The following STXBP3 variants were observed in gnomAD, a reference collection of about 807,000 sequenced individuals.
STXBP3 encodes syntaxin-binding protein 3.
A neutral mutation model predicts 85.7 loss-of-function variants in STXBP3; 41 were observed. That is an observed-to-expected ratio of 0.48 (90% confidence interval 0.37 to 0.62). STXBP3 has a LOEUF of 0.62. STXBP3 is among the 20% of genes least tolerant of loss of function. The pLI is 0.00. For synonymous variants in STXBP3, 229 were observed against 231.7 expected (o/e 0.99, Z 0.10); for missense variants, 563 against 703.1 (o/e 0.80, Z 2.25).
intron 9 of STXBP3, chr1:108,780,886 G>A (rs533815883): frequency 1.3e-5 from 2 of 150,722 alleles, no homozygotes; most frequent in South Asian, 2.1e-4. Flanking sequence ...CCCAGCCTCA[G>A]CCTCCCAAGT....
At chr1:108,781,951 TC>T (rs1662721489) in intron 9 of STXBP3, 1 of 152,634 alleles carries the variant, frequency 6.6e-6, no homozygotes, top group African/African-American at 2.4e-5. Context: ...CCTCAAGTGA[TC>T]CGCCCACCTT....
intron 4 of STXBP3, 114 bp from the exon 5 acceptor site, chr1:108,758,396 A>T: frequency 2.1e-6 from 1 of 473,230 alleles, no homozygotes; most frequent in Non-Finnish European, 3.6e-6. Context: ...TTAAACTTTT[A>T]GCCAGTAAAG....
intron 17 of STXBP3, among the ~76,000 whole-genome samples, chr1:108,802,078 TCTTTA>T (rs1453348976): frequency 2.0e-5 from 3 of 152,086 alleles, no homozygotes. Context: ...TTCTTTGGCT[TCTTTA>T]CTTCTGGGAT....
intron 1 of STXBP3, among the ~76,000 whole-genome samples, chr1:108,749,926 GT>G (rs1179514050): frequency 6.6e-6 from 1 of 152,082 alleles, no homozygotes; most frequent in African/African-American, 2.4e-5. Flanking sequence ...GACCTAATAA[GT>G]TTTTTACATT....
chr1:108,787,060 T>G (rs1662847867), intron 11 of STXBP3, among the ~76,000 whole-genome samples: 1 of 152,204 alleles, frequency 6.6e-6, no homozygotes, highest in Admixed American at 6.5e-5. Flanking sequence ...TATTAGTATA[T>G]AAAATGTGAT....
chr1:108,804,631 A>G (rs1663291854), intron 17 of STXBP3, among the ~76,000 whole-genome samples: 1 of 152,218 alleles, frequency 6.6e-6, no homozygotes, highest in Admixed American at 6.5e-5. Flanking sequence ...CAGGTTTTGC[A>G]TGTGCTTTTG....
chr1:108,778,783 T>C (rs531634206), intron 8 of STXBP3, among the ~76,000 whole-genome samples: 1 of 152,310 alleles, frequency 6.6e-6, no homozygotes, highest in East Asian at 1.9e-4. Context: ...CAAGCTATTA[T>C]ACAGTTGTCC....
At chr1:108,777,605 A>G (rs1342776376) in intron 8 of STXBP3, among the ~76,000 whole-genome samples, 1 of 152,180 alleles carries the variant, frequency 6.6e-6, no homozygotes, top group African/African-American at 2.4e-5. Flanking sequence ...TATACAATCA[A>G]ATATGCTTTT....
chr1:108,791,977 T>C (rs1662983644), intron 11 of STXBP3, among the ~76,000 whole-genome samples: 1 of 152,232 alleles, frequency 6.6e-6, no homozygotes, highest in Non-Finnish European at 1.5e-5. Context: ...CATTACTTTT[T>C]ATTGCTGAGT....
intron 18 of STXBP3, among the ~76,000 whole-genome samples, chr1:108,808,414 G>A (rs988003445): frequency 1.3e-5 from 2 of 152,216 alleles, no homozygotes; most frequent in Non-Finnish European, 2.9e-5. Flanking sequence ...ACCCATGGAG[G>A]CGATGGATCT....
chr1:108,781,379 G>A (rs1357307612), intron 9 of STXBP3: 1 of 152,184 alleles, frequency 6.6e-6, no homozygotes, highest in East Asian at 1.9e-4. Context: ...CAGGAAATCA[G>A]TAGTTCCAAG....
At chr1:108,750,359 T>C (rs978751482) in intron 1 of STXBP3, among the ~76,000 whole-genome samples, 2 of 152,174 alleles carry the variant, frequency 1.3e-5, no homozygotes, top group African/African-American at 4.8e-5. Context: ...AAATTATGGT[T>C]AAATATTTCG....
chr1:108,784,504 C>T (rs996655289), intron 11 of STXBP3, among the ~76,000 whole-genome samples: 4 of 152,192 alleles, frequency 2.6e-5, no homozygotes, highest in Admixed American at 2.6e-4. Flanking sequence ...TCTACCTGGT[C>T]CTGCCCTTGA....
intron 6 of STXBP3, among the ~76,000 whole-genome samples, chr1:108,769,029 T>G (rs1320549430): frequency 1.3e-5 from 2 of 152,108 alleles, no homozygotes; most frequent in Non-Finnish European, 2.9e-5. Flanking sequence ...CGCCAAAAAC[T>G]TAACTACCAA....
At chr1:108,748,493 G>T (rs1204024192) in intron 1 of STXBP3, among the ~76,000 whole-genome samples, 1 of 152,072 alleles carries the variant, frequency 6.6e-6, no homozygotes, top group Non-Finnish European at 1.5e-5. Context: ...CCGCACTCCA[G>T]CCTGGGTGAC....
At chr1:108,799,468 T>A (rs1663185695) in intron 16 of STXBP3, among the ~76,000 whole-genome samples, 1 of 152,154 alleles carries the variant, frequency 6.6e-6, no homozygotes, top group African/African-American at 2.4e-5. Flanking sequence ...CACATTTGGA[T>A]CCATGACAGT....
At chr1:108,752,602 T>G (rs772753833) in intron 2 of STXBP3, among the ~76,000 whole-genome samples, 1 of 152,148 alleles carries the variant, frequency 6.6e-6, no homozygotes, top group Non-Finnish European at 1.5e-5. Context: ...AATACTAACT[T>G]CACCACTTAA....
chr1:108,777,707 T>C (rs1217691880), intron 8 of STXBP3, among the ~76,000 whole-genome samples: 5 of 152,300 alleles, frequency 3.3e-5, no homozygotes, highest in African/African-American at 1.2e-4. Context: ...TAATCATCCT[T>C]CAAATACTTG....
Position 108,795,442 on chromosome 1 carries a change from T to G in STXBP3, c.1110+535T>G, listed in dbSNP as rs141302975. ...ATTCAGGAGGCTGAGGTGGGAGGAT[T>G]GCTTGATCCCAGGAGTTTGAGGGCA... On this transcript the variant is annotated intron_variant, in intron 13 of 18. Coordinates refer to ENST00000370008, the MANE Select transcript of STXBP3 (RefSeq NM_007269.4). Among the ~76,000 whole-genome samples, 395 of 151,926 alleles carry G rather than the reference T, an allele frequency of 2.6e-3. 3 individuals are homozygous for G. The highest frequency in any genetic ancestry group is 9.0e-3 in the African/African-American group (371 of 41,438).
Sources: allele counts gnomAD v4.1 joint callset (sites outside exome capture counted in the v4.1 genomes callset), GRCh38; gene constraint gnomAD v4.1.1; transcripts MANE v1.5; gene names NCBI Gene and HGNC (gene_info 2026-07-23, HGNC 2026-07-21).